DLGAP2: variants seen among roughly 807,000 people sequenced by gnomAD.
DLGAP2 encodes disks large-associated protein 2.
DLGAP2 carries 26 observed loss-of-function variants against 100.3 expected under a neutral mutation model. The ratio of observed to expected loss-of-function variants is 0.26; its 90% CI spans 0.19 to 0.36. DLGAP2 has a LOEUF of 0.36. Among genes scored for constraint, DLGAP2 ranks in the 10% least tolerant of loss-of-function variants. DLGAP2 has a pLI of 1.00. For synonymous variants in DLGAP2, 886 were observed against 630.1 expected (o/e 1.41, Z -6.08); for missense variants, 1,858 against 1,453.2 (o/e 1.28, Z -4.53).
intron 2 of DLGAP2, among the ~76,000 whole-genome samples, chr8:1,007,781 G>A (rs1801164747): frequency 6.6e-6 from 1 of 152,182 alleles, no homozygotes; most frequent in Admixed American, 6.5e-5. Context: ...TTATGTTGCT[G>A]TGAAATTCAT....
chr8:941,965 G>A (rs552012712), intron 2 of DLGAP2, among the ~76,000 whole-genome samples: 3 of 152,132 alleles, frequency 2.0e-5, no homozygotes, highest in African/African-American at 7.2e-5. Flanking sequence ...TGCATCATCA[G>A]TGGGAATGTT....
intron 2 of DLGAP2, among the ~76,000 whole-genome samples, chr8:1,241,881 C>A (rs907277731): frequency 3.9e-5 from 6 of 152,218 alleles, no homozygotes; most frequent in Non-Finnish European, 7.4e-5. Flanking sequence ...AATTGTCACA[C>A]TGTTAAAATG....
chr8:907,187 G>T (rs1798398302), intron 1 of DLGAP2, among the ~76,000 whole-genome samples: 1 of 152,204 alleles, frequency 6.6e-6, no homozygotes, highest in South Asian at 2.1e-4. Flanking sequence ...TTCATGGAGG[G>T]TTGAGGAATG....
Position 1,475,701 on chromosome 8 carries a change from C to T in DLGAP2, c.107-25665C>T, listed in dbSNP as rs568377710. The stretch of plus-strand genomic sequence containing the variant: ...GAAGACAGAACCCTCGCGTGGTCCA[C>T]GGCAGAACACGAGTGGCACCTGCCG... On this transcript the variant is annotated intron_variant, in intron 3 of 14. Transcript: ENST00000637795. 1.7e-3 allele frequency among the ~76,000 whole-genome samples: 256 copies of T among 152,254 alleles called. 1 individual carries two copies. Among genetic ancestry groups the T allele is most frequent in the African/African-American group, 6.1e-3 (253 of 41,544 alleles).
At chr8:1,074,559 C>T (rs1416771164) in intron 2 of DLGAP2, among the ~76,000 whole-genome samples, 2 of 152,294 alleles carry the variant, frequency 1.3e-5, no homozygotes, top group African/African-American at 4.8e-5. Flanking sequence ...GGCTCAGGGG[C>T]TTCTCCACTC....
intron 2 of DLGAP2, among the ~76,000 whole-genome samples, chr8:980,917 C>G (rs1800313422): frequency 6.6e-6 from 1 of 152,070 alleles, no homozygotes; most frequent in South Asian, 2.1e-4. Context: ...GTGATAGTGG[C>G]AAAATGTACA....
At chr8:1,019,693 A>T (rs1801574091) in intron 2 of DLGAP2, 1 of 152,168 alleles carries the variant, frequency 6.6e-6, no homozygotes, top group African/African-American at 2.4e-5. Context: ...ACATATAAAG[A>T]TATGTCTAGA....
chr8:1,648,933 G>A (rs1798103059), intron 8 of DLGAP2, among the ~76,000 whole-genome samples: 1 of 152,160 alleles, frequency 6.6e-6, no homozygotes, highest in Admixed American at 6.5e-5. Flanking sequence ...CTATCACAAA[G>A]GTTTATTCTG....
intron 4 of DLGAP2, among the ~76,000 whole-genome samples, chr8:1,524,123 G>C (rs1458640079): frequency 6.6e-6 from 1 of 152,196 alleles, no homozygotes; most frequent in Admixed American, 6.5e-5. Context: ...CCCAGACGGG[G>C]CTGGCCTTGT....
intron 2 of DLGAP2, among the ~76,000 whole-genome samples, chr8:1,224,412 G>T (rs1488442013): frequency 6.6e-6 from 1 of 152,030 alleles, no homozygotes; most frequent in Non-Finnish European, 1.5e-5. Context: ...AATAATTATT[G>T]AATTAATACA....
At chr8:1,265,385 G>A (rs1799430285) in intron 3 of DLGAP2, among the ~76,000 whole-genome samples, 1 of 152,194 alleles carries the variant, frequency 6.6e-6, no homozygotes, top group Non-Finnish European at 1.5e-5. Context: ...AAACTGGGAA[G>A]TAGATACTAG....
intron 2 of DLGAP2, among the ~76,000 whole-genome samples, chr8:1,077,934 A>T (rs1803675723): frequency 6.6e-6 from 1 of 152,128 alleles, no homozygotes; most frequent in Non-Finnish European, 1.5e-5. Flanking sequence ...GATTCTCTCC[A>T]CACCACTGTC....
At chr8:865,970 A>T (rs924480482) in intron 1 of DLGAP2, among the ~76,000 whole-genome samples, 1 of 152,182 alleles carries the variant, frequency 6.6e-6, no homozygotes, top group Non-Finnish European at 1.5e-5. Context: ...GGGCAAGGGG[A>T]GTGCTTAGTT....
intron 2 of DLGAP2, among the ~76,000 whole-genome samples, chr8:1,027,328 G>A (rs550670733): frequency 6.6e-6 from 1 of 152,150 alleles, no homozygotes; most frequent in African/African-American, 2.4e-5. Flanking sequence ...GGGGTGCCAG[G>A]CACCCATTCT....
chr8:1,548,569 A>G (rs1346391747), intron 4 of DLGAP2, 57 bp from the exon 5 acceptor site: 1 of 1,413,626 alleles, frequency 7.1e-7, no homozygotes, highest in Non-Finnish European at 9.3e-7. Flanking sequence ...TATTCCCCGC[A>G]CCTGAGGGTT....
At chr8:1,174,688 A>G (rs1031020673) in intron 2 of DLGAP2, among the ~76,000 whole-genome samples, 2 of 151,510 alleles carry the variant, frequency 1.3e-5, no homozygotes, top group Admixed American at 6.6e-5. Context: ...CACCATCATC[A>G]TTACCATCAC....
At chr8:1,425,717 G>A (rs1797220276) in intron 3 of DLGAP2, among the ~76,000 whole-genome samples, 1 of 152,118 alleles carries the variant, frequency 6.6e-6, no homozygotes, top group African/African-American at 2.4e-5. Context: ...TGGCCCCTGT[G>A]GGCTCATGAA....
intron 8 of DLGAP2, among the ~76,000 whole-genome samples, chr8:1,638,884 G>A (rs1346233472): frequency 4.6e-5 from 7 of 152,228 alleles, no homozygotes; most frequent in South Asian, 2.1e-4. Flanking sequence ...GGGCTGTGCC[G>A]TTGTCTCCTC....
At chr8:840,054 A>G (rs1291079892) in intron 1 of DLGAP2, among the ~76,000 whole-genome samples, 1 of 55,620 alleles carries the variant, frequency 1.8e-5, no homozygotes. Context: ...GCACGCCTGC[A>G]CGTCTCCCCA....
Sources: gnomAD v4.1 joint callset for allele counts (sites outside exome capture counted in the v4.1 genomes callset) on GRCh38, gnomAD v4.1.1 for gene constraint, MANE v1.5 for transcripts, NCBI Gene and HGNC (gene_info 2026-07-23, HGNC 2026-07-21) for gene names.